The following ZNF423 variants were observed in gnomAD, a reference collection of about 807,000 sequenced individuals.
The protein encoded by ZNF423 is zinc finger protein 423, also known as Ebf-associated zinc finger protein.
ZNF423 carries 12 observed loss-of-function variants against 95.8 expected under a neutral mutation model. The observed-to-expected ratio is 0.13, with a 90% CI of 0.08 to 0.20. ZNF423 has a LOEUF of 0.20. ZNF423 is among the 10% of genes least tolerant of loss of function. ZNF423 has a pLI of 1.00. For synonymous variants in ZNF423, 749 were observed against 711.9 expected, an observed-to-expected ratio of 1.05 and a Z score of -0.83; for missense variants, 1,316 against 1,737.1, an observed-to-expected ratio of 0.76 and a Z score of 4.31.
intron 2 of ZNF423, among the ~76,000 whole-genome samples, chr16:49,749,508 C>T (rs1000796414): frequency 6.6e-6 from 1 of 152,232 alleles, no homozygotes; most frequent in African/African-American, 2.4e-5. Flanking sequence ...GTAAAAAACA[C>T]CTGAAATCTC....
intron 5 of ZNF423, among the ~76,000 whole-genome samples, chr16:49,560,338 C>A (rs147652087): frequency 3.3e-5 from 5 of 152,178 alleles, no homozygotes; most frequent in African/African-American, 1.2e-4. Flanking sequence ...TCCCAGTTGA[C>A]AATTTTTCTT....
rs573977564 is a variant in ZNF423, at chr16:49,635,828, G to A, written c.3348C>T (p.Ala1116=). The A allele has an allele frequency of 2.9e-5, 47 of 1,607,386 alleles. No individual in the cohort carries two copies. The South Asian group carries it at 4.8e-4, about 16-fold the overall frequency. The change falls in exon 4 of 8, where the codon GCC becomes GCT. Residue 1116 remains alanine, a synonymous_variant. Coordinates refer to ENST00000563137, the MANE Select transcript of ZNF423 (RefSeq NM_001379286.1). The surrounding 1 kb of genome is among the most constrained non-coding windows in gnomAD (Gnocchi z 4.8). ...RSANGQVGGL[A]PPEPADRPCA... is the part of the protein sequence containing the mutation. Reference sequence around the variant, plus strand: ...AGGGCCGGTCGGCGGGCTCGGGCGGGGCCAGGCCACCCACCTGTCCGTTGG... The same window carrying A: ...AGGGCCGGTCGGCGGGCTCGGGCGGAGCCAGGCCACCCACCTGTCCGTTGG...
intron 3 of ZNF423, among the ~76,000 whole-genome samples, chr16:49,709,168 T>TTTTTTATATATACATATATATA (rs68002485): frequency 1.5e-4 from 14 of 93,458 alleles, no homozygotes; most frequent in Admixed American, 1.2e-3. Context: ...CAGCAGCCGT[T>TTTTTTATATATACATATATATA]TATATATATA....
chr16:49,745,575 T>A (rs765111672), intron 2 of ZNF423, among the ~76,000 whole-genome samples: 5 of 152,238 alleles, frequency 3.3e-5, no homozygotes, highest in Admixed American at 3.3e-4. Context: ...CGTACCTGAC[T>A]GTCTATTGTG....
chr16:49,834,709 A>G (rs2035097975), intron 1 of ZNF423, among the ~76,000 whole-genome samples: 1 of 151,934 alleles, frequency 6.6e-6, no homozygotes. Context: ...GGTGGCTGCC[A>G]CTCGGAGCAC....
intron 1 of ZNF423, among the ~76,000 whole-genome samples, chr16:49,819,698 C>T (rs1005819990): frequency 6.6e-6 from 1 of 152,162 alleles, no homozygotes; most frequent in Non-Finnish European, 1.5e-5. Context: ...ATCCACCCGC[C>T]TTGGCCTCCC....
chr16:49,744,713 A>G (rs2033486946), intron 2 of ZNF423, among the ~76,000 whole-genome samples: 1 of 152,198 alleles, frequency 6.6e-6, no homozygotes, highest in African/African-American at 2.4e-5. Flanking sequence ...CACAGGCCAA[A>G]GGTCAAGTGA....
intron 3 of ZNF423, among the ~76,000 whole-genome samples, chr16:49,708,885 G>A (rs984781080): frequency 6.6e-6 from 1 of 152,146 alleles, no homozygotes; most frequent in African/African-American, 2.4e-5. Flanking sequence ...GTAAATATTT[G>A]TTGAATGAAT....
chr16:49,780,541 T>G (rs1461283859), intron 2 of ZNF423: 1 of 152,192 alleles, frequency 6.6e-6, no homozygotes, highest in African/African-American at 2.4e-5. Flanking sequence ...CATAGACTGC[T>G]CACCATGGTA....
Position 49,635,554 on chromosome 16 carries a change from A to G in ZNF423, c.3516+106T>C. 7.0e-7 allele frequency: 1 copy of G among 1,429,108 alleles called. No homozygotes were observed. Among genetic ancestry groups the G allele is most frequent in the Non-Finnish European group, 9.3e-7 (1 of 1,075,300 alleles). The allele number at this position is 1,429,108 out of a possible 1,614,324, so 88.5% of individuals were successfully genotyped here. On this transcript the variant is annotated intron_variant, in intron 4 of 7. Transcript: ENST00000563137. The surrounding 1 kb of genome is among the most constrained non-coding windows in gnomAD (Gnocchi z 4.8). ...CAGTTCTGTTTTGCCACTGCGCGAT[A>G]GCGCCGCTTCTTGGAAACACGGCAC... is the stretch of plus-strand genomic sequence containing the variant.
chr16:49,684,703 G>T (rs2031493914), intron 3 of ZNF423, among the ~76,000 whole-genome samples: 1 of 152,178 alleles, frequency 6.6e-6, no homozygotes, highest in African/African-American at 2.4e-5. Flanking sequence ...GTTCATGTAG[G>T]GGGTGGAACC....
rs79270255 is a variant in ZNF423, at chr16:49,825,949, G to A, written c.40+29786C>T. Among the ~76,000 whole-genome samples the A allele has an allele frequency of 7.5e-3, 1,141 of 152,134 alleles. 14 individuals are homozygous for A. Among genetic ancestry groups the A allele is most frequent in the African/African-American group, 0.026 (1,080 of 41,514 alleles). On this transcript the variant is annotated intron_variant, in intron 1 of 7. Transcript: ENST00000563137. ...GGGCTGGCCAGGTGTGGTGGCTCAC[G>A]CCTATAATCCCATTACTTTCGGAGG...
intron 7 of ZNF423, among the ~76,000 whole-genome samples, chr16:49,497,592 C>T (rs1200901712): frequency 6.6e-6 from 1 of 152,208 alleles, no homozygotes; most frequent in Non-Finnish European, 1.5e-5. Flanking sequence ...CATCACCTCA[C>T]TGTGATTTCC....
chr16:49,764,092 T>C (rs538365490), intron 2 of ZNF423, among the ~76,000 whole-genome samples: 13 of 152,310 alleles, frequency 8.5e-5, no homozygotes, highest in African/African-American at 2.6e-4. Context: ...AGGAGGTCGA[T>C]GTACTTTTCT....
intron 5 of ZNF423, among the ~76,000 whole-genome samples, chr16:49,589,943 A>G (rs1652402385): frequency 1.3e-5 from 2 of 151,406 alleles, no homozygotes; most frequent in South Asian, 4.2e-4. Context: ...TGTTTTCACA[A>G]AAGCATGCAA....
At chr16:49,600,847 G>A (rs996641673) in intron 5 of ZNF423, among the ~76,000 whole-genome samples, 17 of 152,232 alleles carry the variant, frequency 1.1e-4, no homozygotes, top group Non-Finnish European at 1.9e-4. Context: ...ATAAATCACC[G>A]TCGCTCAGGA....
At chr16:49,607,652 A>T (rs376839981) in intron 5 of ZNF423, among the ~76,000 whole-genome samples, 1 of 152,248 alleles carries the variant, frequency 6.6e-6, no homozygotes, top group East Asian at 1.9e-4. Flanking sequence ...TAATAGGCCC[A>T]TAATTAATTC....
chr16:49,834,083 G>T (rs924318185), intron 1 of ZNF423, among the ~76,000 whole-genome samples: 17 of 152,206 alleles, frequency 1.1e-4, no homozygotes, highest in Non-Finnish European at 2.2e-4. Context: ...TCAGTGGGCT[G>T]GGCGGTTGTC....
intron 5 of ZNF423, among the ~76,000 whole-genome samples, chr16:49,546,512 A>T (rs1213712907): frequency 6.6e-6 from 1 of 152,150 alleles, no homozygotes; most frequent in Non-Finnish European, 1.5e-5. Flanking sequence ...CCCCATCCTA[A>T]CTGTAGAGGA....
Sources: gnomAD v4.1 joint callset for allele counts (sites outside exome capture counted in the v4.1 genomes callset) on GRCh38, gnomAD v4.1.1 for gene constraint, Gnocchi (gnomAD v3.1) non-coding constraint, MANE v1.5 for transcripts, NCBI Gene and HGNC (gene_info 2026-07-23, HGNC 2026-07-21) for gene names.